The following MLST8 variants were observed in gnomAD, a reference collection of about 807,000 sequenced individuals.
The protein encoded by MLST8 is target of rapamycin complex subunit LST8.
A neutral mutation model predicts 41.3 loss-of-function variants in MLST8; 20 were observed. The ratio of observed to expected loss-of-function variants is 0.48; its 90% confidence interval spans 0.34 to 0.70. MLST8 has a LOEUF of 0.70. MLST8 is among the 30% of genes least tolerant of loss of function. The pLI is 0.01. For missense variants in MLST8, 422 were observed against 454.3 expected (o/e 0.93, Z 0.65); for synonymous variants, 243 against 183.0 (o/e 1.33, Z -2.65).
Position 2,206,505 on chromosome 16 carries a change from C to G in MLST8, c.190C>G (p.His64Asp). 2 of 1,611,040 alleles carry G rather than the reference C, an allele frequency of 1.2e-6. No individual in the cohort carries two copies. The highest frequency in any genetic ancestry group is 1.7e-6 in the Non-Finnish European group (2 of 1,177,426). The stretch of plus-strand genomic sequence containing the variant: ...TCAGCCTGTGTCCCTAGGTTACCAG[C>G]ACATCCGCATGTATGATCTCAACTC... ...RSMIAAAGYQ[H>D]IRMYDLNSNN... Residue 64 changes from histidine (H) to aspartate (D), a missense_variant, in exon 4 of 9, where the codon CAC (histidine) becomes GAC (aspartate). Physicochemically the swap from His to Asp is moderately conservative, Grantham distance 81. Coordinates refer to ENST00000569417, the MANE Select transcript of MLST8 (RefSeq NM_022372.6).
intron 6 of MLST8, 141 bp downstream of exon 6, chr16:2,207,486 A>C: frequency 9.3e-7 from 1 of 1,076,146 alleles, no homozygotes. Context: ...CCTTGCCAGC[A>C]AAGCCAGAAG....
chr16:2,206,158 C>T lies in MLST8; in HGVS notation c.73C>T (p.Arg25Cys), dbSNP rs1244096376. 1 of 1,611,780 alleles carries T rather than the reference C, an allele frequency of 6.2e-7. No individual in the cohort carries two copies. The highest frequency in any genetic ancestry group is 1.7e-5 in the Admixed American group (1 of 59,948). Residue 25 changes from arginine to cysteine, a missense_variant, in exon 2 of 9, where the codon CGC becomes TGC. Coordinates refer to ENST00000569417, the MANE Select transcript of MLST8 (RefSeq NM_022372.6). ...LATAGYDHTV[R>C]FWQAHSGICT... ...CACTGCAGGCTACGACCACACCGTG[C>T]GCTTCTGGCAGGCCCACAGCGGCAT...
chr16:2,209,310 C>A lies in MLST8; in HGVS notation c.*433C>A. On this transcript the variant is annotated 3_prime_UTR_variant, in exon 9 of 9. Transcript: ENST00000569417. ...CAGCTGTCCTCCCTGGTGCAGGTGG[C>A]CTGGCCAGCCCACTGGATTGGGGAC... The A allele has an allele frequency of 6.6e-7, 1 of 1,526,606 alleles. No homozygotes were observed. The highest frequency in any genetic ancestry group is 9.0e-7 in the Non-Finnish European group (1 of 1,109,826). 94.6% of individuals were successfully genotyped at this position (1,526,606 alleles called of 1,614,324 possible).
intron 1 of MLST8, chr16:2,205,801 G>C: frequency 9.3e-7 from 1 of 1,069,808 alleles, no homozygotes. Flanking sequence ...CGGCTGCGGA[G>C]GTGGGGGGGG....
rs1380982706 is a variant in MLST8, at chr16:2,205,521, G to A, written c.-56+9G>A. ...GCGGAGCCGCCCGTAAGGTACGGAG[G>A]CCGCGAGCCAGGGGCCGGGAACCGG... On this transcript the variant is annotated intron_variant, in intron 1 of 8. Coordinates refer to ENST00000569417, the MANE Select transcript of MLST8 (RefSeq NM_022372.6). 1 of 233,894 alleles carries A rather than the reference G, an allele frequency of 4.3e-6. No homozygotes were observed. Among genetic ancestry groups the A allele is most frequent in the South Asian group, 1.5e-4 (1 of 6,560 alleles). The allele number at this position is 233,894 out of a possible 1,614,324, so 14.5% of individuals were successfully genotyped here.
intron 6 of MLST8, chr16:2,207,744 G>A (rs1190693077): frequency 3.9e-6 from 1 of 257,794 alleles, no homozygotes; most frequent in Admixed American, 5.0e-5. Flanking sequence ...GCCAGGTGGC[G>A]TCATTCCCCT....
Position 2,206,948 on chromosome 16 carries a change from G to A in MLST8, c.345-87G>A, listed in dbSNP as rs182572224. ...CCAAGAGGCAGGTCCTTCAGCAGAG[G>A]GAGGGGAGGAATGGCCAGGCCGAGG... On this transcript the variant is annotated intron_variant, in intron 4 of 8. Coordinates refer to ENST00000569417, the MANE Select transcript of MLST8 (RefSeq NM_022372.6). The A allele has an allele frequency of 9.7e-5, 147 of 1,508,846 alleles. No individual in the cohort carries two copies. In the African/African-American group the frequency reaches 1.6e-3, roughly 16 times the overall value. The allele number at this position is 1,508,846 out of a possible 1,614,324, so 93.5% of individuals were successfully genotyped here.
chr16:2,206,759 CT>C, intron 4 of MLST8, 100 bp downstream of exon 4: 1 of 1,390,910 alleles, frequency 7.2e-7, no homozygotes, highest in East Asian at 2.3e-5. Flanking sequence ...AGACAGGGAG[CT>C]TCCTGTGGGC....
chr16:2,207,779 C>T (rs368512602), intron 6 of MLST8: 28 of 229,532 alleles, frequency 1.2e-4, no homozygotes, highest in Middle Eastern at 1.5e-3. Flanking sequence ...CTGCTGGCCT[C>T]GCCCGTAGGC....
rs185180342 is a variant in MLST8, at chr16:2,207,258, C to G, written c.486C>G (p.Asn162Lys). The G allele has an allele frequency of 6.2e-7, 1 of 1,614,188 alleles. No individual in the cohort carries two copies. Among genetic ancestry groups the G allele is most frequent in the Non-Finnish European group, 8.5e-7 (1 of 1,180,034 alleles). Residue 162 changes from asparagine (N) to lysine (K), a missense_variant, in exon 6 of 9, where the codon AAC (asparagine) becomes AAG (lysine). Physicochemically the swap from Asn to Lys is moderately conservative, Grantham distance 94. Transcript: ENST00000569417. ...IHIWDLKTDH[N>K]EQLIPEPEVS... ...TCTGGGACTTGAAAACAGACCACAA[C>G]GAGCAGCTGATCCCTGAGCCCGAGG... is the stretch of plus-strand genomic sequence containing the variant.
chr16:2,209,407 C>T lies in MLST8; in HGVS notation c.*530C>T, dbSNP rs777961697. On this transcript the variant is annotated 3_prime_UTR_variant, in exon 9 of 9. Transcript: ENST00000569417. Reference sequence around the variant, plus strand: ...AGCAGACCGACACGCAGATGTTGCTCGGGAAGCAGATGTCGATGCAGAGAT... The same window carrying T: ...AGCAGACCGACACGCAGATGTTGCTTGGGAAGCAGATGTCGATGCAGAGAT... 554 of 1,613,674 alleles carry T rather than the reference C, an allele frequency of 3.4e-4. No individual in the cohort carries two copies. The highest frequency in any genetic ancestry group is 6.3e-4 in the Admixed American group (38 of 59,996).
rs376063799 is a variant in MLST8, at chr16:2,206,655, C to G, written c.340C>G (p.Leu114Val). 2.5e-6 allele frequency: 4 copies of G among 1,612,676 alleles called. No homozygotes were observed. In the African/African-American group the frequency reaches 5.3e-5, roughly 22 times the overall value. Residue 114 changes from leucine (L) to valine (V), a missense_variant, in exon 4 of 9, where the codon CTC (leucine) becomes GTC (valine). Transcript: ENST00000569417. Reference sequence around the variant, plus strand: ...GGACTGCACAGCCAGGATCTGGGACCTCAGGTGCGGTGGGGAGGGGGCGTG... The same window carrying G: ...GGACTGCACAGCCAGGATCTGGGACGTCAGGTGCGGTGGGGAGGGGGCGTG... ...GEDCTARIWD[L>V]RSRNLQCQRI...
rs1034252250 is a variant in MLST8 at position 2,207,642 on chromosome 16, ACT to A, written c.573+302_573+303del. 32 of 433,166 alleles carry A rather than the reference ACT, an allele frequency of 7.4e-5. 1 individual carries two copies. The Admixed American group carries it at 1.0e-3, about 14-fold the overall frequency. The allele number at this position is 433,166 out of a possible 1,614,324, so 26.8% of individuals were successfully genotyped here. A position where few individuals can be genotyped will look rare whatever the true frequency, so the allele number is the denominator to read the frequency against. Reference sequence around the variant, plus strand: ...CCTTGTTTCTGGTGACGGCTGACACACTCTCTGAGGCTTCCTTTCCCCCTCCC... The same window carrying A: ...CCTTGTTTCTGGTGACGGCTGACACACTCTGAGGCTTCCTTTCCCCCTCCC... On this transcript the variant is annotated intron_variant, in intron 6 of 8. Transcript: ENST00000569417.
At position 2,208,574 on chromosome 16, in the gene MLST8, G is replaced by A. The variant is rs201091044; in HGVS notation, c.823G>A (p.Gly275Ser). ...PGESSRGWMW[G>S]CAFSGDSQYI... Reference sequence around the variant, plus strand: ...GGAGTCCTCCCGCGGCTGGATGTGGGGCTGCGCCTTCTCGGGGGACTCCCA... The same window carrying A: ...GGAGTCCTCCCGCGGCTGGATGTGGAGCTGCGCCTTCTCGGGGGACTCCCA... Residue 275 changes from glycine to serine, a missense_variant, in exon 8 of 9, where the codon GGC becomes AGC. By Grantham distance (56) the Gly-to-Ser change is moderately conservative (BLOSUM62 0). Coordinates refer to ENST00000569417, the MANE Select transcript of MLST8 (RefSeq NM_022372.6). 4,744 of 1,612,768 alleles carry A rather than the reference G, an allele frequency of 2.9e-3. 8 individuals are homozygous for A. Among genetic ancestry groups the A allele is most frequent in the Non-Finnish European group, 3.8e-3 (4,481 of 1,179,776 alleles).
At position 2,206,376 on chromosome 16, in the gene MLST8, G is replaced by A. The variant is rs757618528; in HGVS notation, c.148G>A (p.Val50Ile). The change falls in exon 3 of 9, where the codon GTC (valine) becomes ATC (isoleucine). Residue 50 changes from valine to isoleucine, a missense_variant. By Grantham distance (29) the Val-to-Ile change is conservative. Transcript: ENST00000569417. ...GTCCCAGCAGGTGAATGCCTTGGAG[G>A]TCACACCGGACCGCAGCATGATTGC... ...HQDSQVNALE[V>I]TPDRSMIAAA... 4 of 1,614,112 alleles carry A rather than the reference G, an allele frequency of 2.5e-6. No individual in the cohort carries two copies. In the South Asian group the frequency reaches 4.4e-5, roughly 18 times the overall value.
rs2093307221 is a variant in MLST8 at position 2,207,123 on chromosome 16, C to T, written c.420+13C>T. 7.4e-6 allele frequency: 12 copies of T among 1,613,280 alleles called. No individual in the cohort carries two copies. Among genetic ancestry groups the T allele is most frequent in the South Asian group, 1.1e-5 (1 of 91,058 alleles). On this transcript the variant is annotated intron_variant, in intron 5 of 8. Transcript: ENST00000569417. ...GCACCCCAACCAGGTGAGGGGTGCT[C>T]ATGGGGCCAGGCACCCTGGGACTTT...
At chr16:2,206,815 A>G (rs1478200821) in intron 4 of MLST8, 156 bp downstream of exon 4, 6 of 1,031,988 alleles carry the variant, frequency 5.8e-6, no homozygotes, top group Non-Finnish European at 8.8e-6. Context: ...GAATTGCATC[A>G]GAGCGCGAGT....
chr16:2,208,701 G>A, intron 8 of MLST8, 58 bp from the exon 9 acceptor site: 3 of 1,613,160 alleles, frequency 1.9e-6, no homozygotes, highest in Non-Finnish European at 2.5e-6. Flanking sequence ...CCCCTCTGCT[G>A]GGGCCGCCTG....
chr16:2,209,302 GCAGGTGGCCTGGCCAGCC>G lies in MLST8; in HGVS notation c.*428_*445del. The G allele has an allele frequency of 1.4e-6, 2 of 1,454,584 alleles. No individual in the cohort carries two copies. The highest frequency in any genetic ancestry group is 1.9e-6 in the Non-Finnish European group (2 of 1,046,134). The allele number at this position is 1,454,584 out of a possible 1,614,324, so 90.1% of individuals were successfully genotyped here. A position where few individuals can be genotyped will look rare whatever the true frequency, so the allele number is the denominator to read the frequency against. On this transcript the variant is annotated 3_prime_UTR_variant, in exon 9 of 9. Transcript: ENST00000569417. ...CCTGCCAGCAGCTGTCCTCCCTGGT[GCAGGTGGCCTGGCCAGCC>G]CACTGGATTGGGGACGGGCCAGGCT...
Sources: gnomAD v4.1 joint callset for allele counts on GRCh38, gnomAD v4.1.1 for gene constraint, MANE v1.5 for transcripts, NCBI Gene and HGNC (gene_info 2026-07-23, HGNC 2026-07-21) for gene names.